The following PDSS2 variants were observed in gnomAD, a reference collection of about 807,000 sequenced individuals.
PDSS2 encodes the protein decaprenyl diphosphate synthase subunit 2.
In PDSS2, 31 loss-of-function variants were observed where a neutral mutation model predicts 44.5. The observed-to-expected ratio is 0.70, with a 90% CI of 0.52 to 0.94. The LOEUF is 0.94. PDSS2 is among the 40% of genes least tolerant of loss of function. PDSS2 has a pLI of 0.00. For missense variants in PDSS2, 452 were observed against 482.2 expected, an observed-to-expected ratio of 0.94 and a Z score of 0.59; for synonymous variants, 157 against 180.3, an observed-to-expected ratio of 0.87 and a Z score of 1.03.
intron 2 of PDSS2, among the ~76,000 whole-genome samples, chr6:107,293,073 ACTGAGCTGAGCTTC>A (rs1776398437): frequency 2.0e-5 from 3 of 152,172 alleles, no homozygotes; most frequent in Non-Finnish European, 4.4e-5. Context: ...CTCTGGGCAG[ACTGAGCTGAGCTTC>A]CTGACATGAA....
intron 2 of PDSS2, among the ~76,000 whole-genome samples, chr6:107,324,148 A>G (rs943790407): frequency 4.6e-5 from 7 of 152,302 alleles, no homozygotes; most frequent in Middle Eastern, 3.4e-3. Flanking sequence ...ATAACAATAA[A>G]AACTTAATGA....
At chr6:107,337,025 G>C (rs1246090134) in intron 1 of PDSS2, among the ~76,000 whole-genome samples, 1 of 119,418 alleles carries the variant, frequency 8.4e-6, no homozygotes, top group African/African-American at 3.1e-5. Context: ...CTCAGAAATA[G>C]GACCTTTCAC....
intron 1 of PDSS2, among the ~76,000 whole-genome samples, chr6:107,447,741 C>T (rs1454305973): frequency 6.6e-6 from 1 of 152,194 alleles, no homozygotes; most frequent in Non-Finnish European, 1.5e-5. Context: ...GCTCTCTTCT[C>T]ACAGTTCCAC....
At chr6:107,182,687 A>G (rs1772027006) in intron 7 of PDSS2, among the ~76,000 whole-genome samples, 1 of 152,226 alleles carries the variant, frequency 6.6e-6, no homozygotes, top group Non-Finnish European at 1.5e-5. Context: ...TACTGTAAAC[A>G]GAAACTGATC....
At chr6:107,166,833 G>C (rs1159291283) in intron 7 of PDSS2, among the ~76,000 whole-genome samples, 2 of 152,188 alleles carry the variant, frequency 1.3e-5, no homozygotes, top group Non-Finnish European at 2.9e-5. Context: ...AAGCCCACTT[G>C]ATCATGGTGG....
chr6:107,269,780 C>T (rs1460152977), intron 3 of PDSS2, among the ~76,000 whole-genome samples: 1 of 152,072 alleles, frequency 6.6e-6, no homozygotes, highest in Non-Finnish European at 1.5e-5. Context: ...GATTCTTGTG[C>T]CTCAGACTCC....
chr6:107,169,366 G>A (rs1582728611), intron 7 of PDSS2, among the ~76,000 whole-genome samples: 1 of 152,046 alleles, frequency 6.6e-6, no homozygotes, highest in South Asian at 2.1e-4. Context: ...GGTTATTCTA[G>A]TTAGCCATTC....
intron 6 of PDSS2, among the ~76,000 whole-genome samples, chr6:107,195,863 G>C (rs906823885): frequency 6.6e-6 from 1 of 152,092 alleles, no homozygotes. Flanking sequence ...CCCAGCCCTT[G>C]TTTTTCTTAT....
intron 2 of PDSS2, among the ~76,000 whole-genome samples, chr6:107,300,573 A>G (rs1776660781): frequency 6.6e-6 from 1 of 152,138 alleles, no homozygotes; most frequent in South Asian, 2.1e-4. Context: ...TACCAATTAG[A>G]CTAAAAAGAG....
At chr6:107,193,654 C>G (rs1405682100) in intron 7 of PDSS2, among the ~76,000 whole-genome samples, 168 bp downstream of exon 7, 3 of 152,124 alleles carry the variant, frequency 2.0e-5, no homozygotes, top group African/African-American at 7.2e-5. Context: ...AATAAATAGA[C>G]TTCTTGTTGA....
At chr6:107,181,249 T>C (rs1335346143) in intron 7 of PDSS2, among the ~76,000 whole-genome samples, 5 of 152,152 alleles carry the variant, frequency 3.3e-5, no homozygotes, top group African/African-American at 9.7e-5. Context: ...TCAGTAGTAC[T>C]TGGGGCCGGG....
At chr6:107,395,091 CCT>C (rs1448523715) in intron 1 of PDSS2, among the ~76,000 whole-genome samples, 1 of 150,852 alleles carries the variant, frequency 6.6e-6, no homozygotes, top group Non-Finnish European at 1.5e-5. Context: ...CTTTGTTTTT[CCT>C]CTCAACACTT....
intron 6 of PDSS2, among the ~76,000 whole-genome samples, chr6:107,200,034 G>A (rs1367733793): frequency 6.6e-6 from 1 of 152,170 alleles, no homozygotes. Flanking sequence ...CTAGGACAGA[G>A]AAGAATTAGT....
At chr6:107,444,850 G>A (rs2114823252) in intron 1 of PDSS2, among the ~76,000 whole-genome samples, 1 of 152,228 alleles carries the variant, frequency 6.6e-6, no homozygotes, top group South Asian at 2.1e-4. Context: ...GAGACTAAAT[G>A]TCATAATTCG....
chr6:107,358,701 C>G (rs1355123464), intron 1 of PDSS2, among the ~76,000 whole-genome samples: 1 of 151,982 alleles, frequency 6.6e-6, no homozygotes, highest in Non-Finnish European at 1.5e-5. Flanking sequence ...AATAATAAGG[C>G]CAGGGTTTCT....
chr6:107,173,583 A>AAAAC (rs1554249180), intron 7 of PDSS2, among the ~76,000 whole-genome samples: 1 of 148,120 alleles, frequency 6.8e-6, no homozygotes, highest in Non-Finnish European at 1.5e-5. Context: ...AAAAAAAAAA[A>AAAAC]AAAAAAAAAA....
intron 2 of PDSS2, among the ~76,000 whole-genome samples, chr6:107,283,903 C>T (rs537549747): frequency 6.6e-5 from 10 of 151,458 alleles, no homozygotes; most frequent in Non-Finnish European, 1.2e-4. Flanking sequence ...GGCATGGTGG[C>T]TCATGCCTCT....
chr6:107,197,982 ACT>A, intron 6 of PDSS2: 2 of 464,682 alleles, frequency 4.3e-6, no homozygotes, highest in South Asian at 3.1e-5. Flanking sequence ...GCCACCTCCC[ACT>A]CTGTCTCAAA....
chr6:107,344,826 C>T (rs8180652), intron 1 of PDSS2, among the ~76,000 whole-genome samples: 32,701 of 152,022 alleles, frequency 0.22, 4,315 homozygotes, highest in East Asian at 0.43. Context: ...TGTGGCTAGT[C>T]ACCCTGGAAT....
Sources: allele counts gnomAD v4.1 joint callset (sites outside exome capture counted in the v4.1 genomes callset), GRCh38; gene constraint gnomAD v4.1.1; transcripts MANE v1.5; gene names NCBI Gene and HGNC (gene_info 2026-07-23, HGNC 2026-07-21).